The following FAM193A variants were observed in gnomAD, a reference collection of about 807,000 sequenced individuals.
FAM193A encodes protein FAM193A.
Under a neutral mutation model 126.5 loss-of-function variants are expected in FAM193A, and 22 were observed. The observed-to-expected ratio is 0.17, with a 90% CI of 0.12 to 0.25. The LOEUF (loss-of-function observed/expected upper bound fraction) is 0.25, where lower values mean the gene tolerates loss of function less well. FAM193A is among the 10% of genes least tolerant of loss of function. FAM193A has a pLI of 1.00. For synonymous variants in FAM193A, 761 were observed against 646.8 expected, an observed-to-expected ratio of 1.18 and a Z score of -2.68; for missense variants, 1,675 against 1,672.8, an observed-to-expected ratio of 1.00 and a Z score of -0.02.
rs370239691 is a variant in FAM193A at position 2,650,370 on chromosome 4, C to T, written c.1311+3538C>T. 2.6e-5 allele frequency among the ~76,000 whole-genome samples: 4 copies of T among 152,276 alleles called. 1 individual carries two copies. The highest frequency in any genetic ancestry group is 1.9e-4 in the East Asian group (1 of 5,180). On this transcript the variant is annotated intron_variant, in intron 7 of 20. Transcript: ENST00000637812. ...GGAGGGAGGAGCATGAGATCTCAGGCCATCAGTAGACACTGTGAAGGAAAG... is the reference window on the plus strand; with the variant it reads ...GGAGGGAGGAGCATGAGATCTCAGGTCATCAGTAGACACTGTGAAGGAAAG...
rs1424572868 is a variant in FAM193A, at chr4:2,596,297, G to A, written c.469G>A (p.Glu157Lys). 1.4e-6 allele frequency: 1 copy of A among 702,932 alleles called. No homozygotes were observed. The highest frequency in any genetic ancestry group is 2.6e-6 in the Non-Finnish European group (1 of 385,010). 43.5% of individuals were successfully genotyped at this position (702,932 alleles called of 1,614,324 possible). ...GGACTGCCGCAGGACCGTGGAGAAG[G>A]AGGAGAGGCATGGCGGCCTTGACCA... ...CPDCRRTVEKEERHGGLDQPV... is the reference protein window; with the variant it reads ...CPDCRRTVEKKERHGGLDQPV... The change falls in exon 2 of 21, where the codon GAG becomes AAG. Residue 157 changes from glutamate to lysine, a missense_variant. This residue lies in a region of FAM193A where 1,186 missense variants were observed against 1,109.2 expected (regional missense o/e 1.07). Coordinates refer to ENST00000637812, the MANE Select transcript of FAM193A (RefSeq NM_001366318.2).
At chr4:2,601,583 G>A (rs1230998697) in intron 2 of FAM193A, among the ~76,000 whole-genome samples, 1 of 150,938 alleles carries the variant, frequency 6.6e-6, no homozygotes, top group Non-Finnish European at 1.5e-5. Flanking sequence ...TTTTAAACTA[G>A]TTTTGTTAGA....
chr4:2,580,916 T>C (rs1219201343), intron 1 of FAM193A, among the ~76,000 whole-genome samples: 1 of 152,304 alleles, frequency 6.6e-6, no homozygotes, highest in African/African-American at 2.4e-5. Context: ...GATCACAAGG[T>C]CAGGAGATCT....
At chr4:2,725,922 G>A (rs892972522) in intron 20 of FAM193A, among the ~76,000 whole-genome samples, 2 of 151,312 alleles carry the variant, frequency 1.3e-5, no homozygotes, top group South Asian at 2.1e-4. Flanking sequence ...TTTTTGAGAT[G>A]GAGTCTCGCT....
chr4:2,594,505 C>T (rs1212134193), intron 1 of FAM193A, among the ~76,000 whole-genome samples: 7 of 152,336 alleles, frequency 4.6e-5, no homozygotes, highest in Non-Finnish European at 8.8e-5. Context: ...CCCTACACGG[C>T]AGGAGAGACT....
chr4:2,592,239 C>G (rs974093714), intron 1 of FAM193A, among the ~76,000 whole-genome samples: 1 of 152,074 alleles, frequency 6.6e-6, no homozygotes, highest in Non-Finnish European at 1.5e-5. Context: ...CAGATGTACG[C>G]CACCACACCC....
chr4:2,680,601 T>A (rs1714994063), intron 13 of FAM193A, among the ~76,000 whole-genome samples: 1 of 152,122 alleles, frequency 6.6e-6, no homozygotes, highest in Non-Finnish European at 1.5e-5. Flanking sequence ...CCTCCCAAAG[T>A]GCTGGGATTA....
At chr4:2,545,158 A>C (rs1299896125) in intron 1 of FAM193A, among the ~76,000 whole-genome samples, 3 of 151,958 alleles carry the variant, frequency 2.0e-5, no homozygotes, top group Non-Finnish European at 2.9e-5. Flanking sequence ...ATGCCCAGCT[A>C]ATTTTCGTAT....
At chr4:2,648,860 G>T (rs187181043) in intron 7 of FAM193A, among the ~76,000 whole-genome samples, 47 of 152,192 alleles carry the variant, frequency 3.1e-4, no homozygotes, top group Non-Finnish European at 5.9e-4. Context: ...GGCTGTGGCC[G>T]TGCAGGAGGG....
intron 6 of FAM193A, among the ~76,000 whole-genome samples, chr4:2,642,828 G>C (rs560008006): frequency 6.6e-6 from 1 of 151,488 alleles, no homozygotes; most frequent in Non-Finnish European, 1.5e-5. Context: ...TGCCTCTCAG[G>C]TTCATGCCAT....
intron 1 of FAM193A, among the ~76,000 whole-genome samples, chr4:2,547,279 T>G (rs1403450721): frequency 3.3e-5 from 5 of 151,970 alleles, no homozygotes. Context: ...TTCCAGCTAC[T>G]CGGGAGGTTG....
At chr4:2,537,950 C>G (rs1346159493) in intron 1 of FAM193A, among the ~76,000 whole-genome samples, 1 of 152,108 alleles carries the variant, frequency 6.6e-6, no homozygotes, top group African/African-American at 2.4e-5. Flanking sequence ...TTATGGATTC[C>G]TGCCACTTTT....
chr4:2,649,833 C>G (rs1745494163), intron 7 of FAM193A, among the ~76,000 whole-genome samples: 1 of 152,322 alleles, frequency 6.6e-6, no homozygotes, highest in South Asian at 2.1e-4. Context: ...GGCTGCACAG[C>G]AGGAGGTGAG....
At chr4:2,674,504 C>T (rs953682417) in intron 13 of FAM193A, among the ~76,000 whole-genome samples, 2 of 152,124 alleles carry the variant, frequency 1.3e-5, no homozygotes, top group Non-Finnish European at 2.9e-5. Context: ...AAGGTGGGTG[C>T]TGAACGTGGA....
intron 18 of FAM193A, among the ~76,000 whole-genome samples, chr4:2,697,725 G>A (rs1469706251): frequency 6.6e-6 from 1 of 152,242 alleles, no homozygotes; most frequent in Non-Finnish European, 1.5e-5. Flanking sequence ...AGTAGATTTA[G>A]ACTGACTATT....
chr4:2,575,465 AT>A (rs33996164), intron 1 of FAM193A, among the ~76,000 whole-genome samples: 36,492 of 135,238 alleles, frequency 0.27, 4,713 homozygotes, highest in Middle Eastern at 0.36. Flanking sequence ...AGATACTGGG[AT>A]TTTTTTTTTT....
chr4:2,687,261 C>G (rs1017511056), intron 13 of FAM193A, among the ~76,000 whole-genome samples: 1 of 152,144 alleles, frequency 6.6e-6, no homozygotes, highest in African/African-American at 2.4e-5. Context: ...TATAAGTAGT[C>G]TCTATATAGT....
At chr4:2,586,261 A>T (rs1740233782) in intron 1 of FAM193A, among the ~76,000 whole-genome samples, 1 of 151,772 alleles carries the variant, frequency 6.6e-6, no homozygotes, top group Non-Finnish European at 1.5e-5. Context: ...AAAAATATAT[A>T]TATATATAGT....
At chr4:2,639,891 G>T in intron 6 of FAM193A, 32 bp downstream of exon 6, 1 of 1,603,060 alleles carries the variant, frequency 6.2e-7, no homozygotes, top group Non-Finnish European at 8.5e-7. Context: ...GTGTCTTTGT[G>T]GTGTGACAGC....
Sources: gnomAD v4.1 joint callset for allele counts (sites outside exome capture counted in the v4.1 genomes callset) on GRCh38, gnomAD v4.1.1 for gene constraint, gnomAD v4.1.1 regional missense constraint, MANE v1.5 for transcripts, NCBI Gene and HGNC (gene_info 2026-07-23, HGNC 2026-07-21) for gene names.